THRB: variants seen among roughly 807,000 people sequenced by gnomAD.
The protein encoded by THRB is nuclear receptor subfamily 1 group A member 2.
THRB carries 12 observed loss-of-function variants against 47.8 expected under a neutral mutation model. The observed-to-expected ratio is 0.25, with a 90% CI of 0.16 to 0.41. The LOEUF is 0.41. Among genes scored for constraint, THRB ranks in the 10% least tolerant of loss-of-function variants. THRB has a pLI of 1.00. For synonymous variants in THRB, 218 were observed against 212.2 expected (o/e 1.03, Z -0.24); for missense variants, 348 against 589.2 (o/e 0.59, Z 4.24).
chr3:24,160,289 G>A (rs1305711953), intron 5 of THRB, among the ~76,000 whole-genome samples: 1 of 152,198 alleles, frequency 6.6e-6, no homozygotes, highest in Admixed American at 6.5e-5. Context: ...TTGAGGGCAG[G>A]GAAGAGTTGG....
At chr3:24,361,484 G>A (rs564124729) in intron 1 of THRB, among the ~76,000 whole-genome samples, 1 of 152,248 alleles carries the variant, frequency 6.6e-6, no homozygotes, top group Admixed American at 6.5e-5. Context: ...GTCCCAAAAA[G>A]AGGGGGCAGG....
chr3:24,451,229 CT>C (rs71057674), intron 1 of THRB, among the ~76,000 whole-genome samples: 1,384 of 95,302 alleles, frequency 0.015, 13 homozygotes, highest in African/African-American at 0.038. Flanking sequence ...ACTACATGTA[CT>C]TTTTTTTTTT....
At chr3:24,391,300 T>C (rs1015064520) in intron 1 of THRB, among the ~76,000 whole-genome samples, 2 of 152,184 alleles carry the variant, frequency 1.3e-5, no homozygotes, top group Non-Finnish European at 2.9e-5. Context: ...AAAGGTCTTG[T>C]GGAGAGTTGT....
At chr3:24,311,400 T>C (rs751412816) in intron 2 of THRB, among the ~76,000 whole-genome samples, 4 of 152,206 alleles carry the variant, frequency 2.6e-5, no homozygotes, top group Non-Finnish European at 4.4e-5. Flanking sequence ...TGGTTCTCTA[T>C]GATGCCCTCT....
chr3:24,347,777 AAAT>A (rs2063116880), intron 1 of THRB, among the ~76,000 whole-genome samples: 1 of 152,058 alleles, frequency 6.6e-6, no homozygotes, highest in Non-Finnish European at 1.5e-5. Flanking sequence ...AAACAGGAAA[AAAT>A]AATAAAAATG....
At chr3:24,225,030 T>C (rs1044217135) in intron 4 of THRB, among the ~76,000 whole-genome samples, 1 of 152,120 alleles carries the variant, frequency 6.6e-6, no homozygotes, top group Non-Finnish European at 1.5e-5. Context: ...CTACAATTAA[T>C]GAGAAAAAGA....
chr3:24,385,234 A>G (rs938545452), intron 1 of THRB, among the ~76,000 whole-genome samples: 7 of 152,082 alleles, frequency 4.6e-5, no homozygotes, highest in African/African-American at 1.7e-4. Flanking sequence ...GAAATGCTCA[A>G]TTTTATTAAT....
At position 24,176,167 on chromosome 3, in the gene THRB, T is replaced by C. The variant is rs145251081; in HGVS notation, c.283+13907A>G. ...TAGAAAAAAATGCTCTTCGATATTT[T>C]GTTTTTATAAATATCATTTATGTTT... is the stretch of plus-strand genomic sequence containing the variant. On this transcript the variant is annotated intron_variant, in intron 5 of 10. Coordinates refer to ENST00000646209, the MANE Select transcript of THRB (RefSeq NM_001354712.2). 2.6e-5 allele frequency among the ~76,000 whole-genome samples: 4 copies of C among 152,308 alleles called. No individual in the cohort carries two copies. The East Asian group carries it at 7.7e-4, about 29-fold the overall frequency.
chr3:24,134,861 G>T (rs979392880), intron 8 of THRB, among the ~76,000 whole-genome samples: 4 of 152,146 alleles, frequency 2.6e-5, no homozygotes, highest in African/African-American at 7.2e-5. Flanking sequence ...GGGTAGGAAA[G>T]GGGGATGGGA....
intron 1 of THRB, among the ~76,000 whole-genome samples, chr3:24,346,429 C>T (rs912407921): frequency 6.6e-6 from 1 of 151,724 alleles, no homozygotes; most frequent in Non-Finnish European, 1.5e-5. Flanking sequence ...ATAACTGGGG[C>T]AAATAAAATG....
chr3:24,192,519 T>G (rs1202039328), intron 4 of THRB, among the ~76,000 whole-genome samples: 2 of 152,064 alleles, frequency 1.3e-5, no homozygotes, highest in Non-Finnish European at 1.5e-5. Context: ...TTCCTAAAAT[T>G]TGGTATTAAT....
chr3:24,217,629 G>C (rs1219503421), intron 4 of THRB, among the ~76,000 whole-genome samples: 1 of 152,034 alleles, frequency 6.6e-6, no homozygotes, highest in Admixed American at 6.5e-5. Flanking sequence ...GGAAGCCAGT[G>C]CTTTTAAACA....
intron 2 of THRB, among the ~76,000 whole-genome samples, chr3:24,305,468 G>T (rs1291657831): frequency 6.6e-6 from 1 of 152,074 alleles, no homozygotes; most frequent in African/African-American, 2.4e-5. Context: ...AGGTCAAGGG[G>T]GATTACAATT....
chr3:24,365,103 T>G (rs1384590554), intron 1 of THRB, among the ~76,000 whole-genome samples: 1 of 152,206 alleles, frequency 6.6e-6, no homozygotes, highest in Non-Finnish European at 1.5e-5. Context: ...ACCCTGTGTT[T>G]ATAAGAAAAA....
chr3:24,156,020 A>G (rs1473333879), intron 5 of THRB, among the ~76,000 whole-genome samples: 1 of 152,244 alleles, frequency 6.6e-6, no homozygotes, highest in East Asian at 1.9e-4. Flanking sequence ...CTGCCACTTT[A>G]TCAAGCATAT....
chr3:24,303,916 G>A (rs746931806), intron 2 of THRB, among the ~76,000 whole-genome samples: 7 of 151,990 alleles, frequency 4.6e-5, no homozygotes, highest in South Asian at 2.1e-4. Flanking sequence ...AATTTTTAAC[G>A]ATGTTTAATT....
intron 4 of THRB, among the ~76,000 whole-genome samples, chr3:24,226,989 G>GAAT (rs1366131756): frequency 6.6e-5 from 10 of 152,204 alleles, no homozygotes; most frequent in African/African-American, 2.4e-4. Context: ...GAGCTGGAAT[G>GAAT]AATGGTCACT....
At chr3:24,320,268 A>C (rs2058396538) in intron 2 of THRB, among the ~76,000 whole-genome samples, 1 of 152,226 alleles carries the variant, frequency 6.6e-6, no homozygotes, top group African/African-American at 2.4e-5. Flanking sequence ...TGTCCAATCG[A>C]AAGGAAAGAG....
intron 1 of THRB, among the ~76,000 whole-genome samples, chr3:24,437,771 A>G (rs2071115789): frequency 6.6e-6 from 1 of 152,104 alleles, no homozygotes; most frequent in African/African-American, 2.4e-5. Flanking sequence ...GATACAGGGA[A>G]GAAAATGAAC....
Sources: gnomAD v4.1 joint callset for allele counts (sites outside exome capture counted in the v4.1 genomes callset) on GRCh38, gnomAD v4.1.1 for gene constraint, MANE v1.5 for transcripts, NCBI Gene and HGNC (gene_info 2026-07-23, HGNC 2026-07-21) for gene names.